LAMA3: variants seen among roughly 807,000 people sequenced by gnomAD.
LAMA3 encodes laminin subunit alpha-3.
Under a neutral mutation model 402.0 loss-of-function variants are expected in LAMA3, and 281 were observed. The observed-to-expected ratio is 0.70, with a 90% CI of 0.63 to 0.77. The LOEUF (loss-of-function observed/expected upper bound fraction) is 0.77, where lower values mean the gene tolerates loss of function less well. Among genes scored for constraint, LAMA3 ranks in the 30% least tolerant of loss-of-function variants. LAMA3 has a pLI of 0.00. For missense variants in LAMA3, 3,840 were observed against 4,215.5 expected (o/e 0.91, Z 2.47); for synonymous variants, 1,431 against 1,558.4 (o/e 0.92, Z 1.93).
At chr18:23,934,997 G>A (rs1366958898) in intron 67 of LAMA3, among the ~76,000 whole-genome samples, 1 of 152,182 alleles carries the variant, frequency 6.6e-6, no homozygotes, top group Admixed American at 6.5e-5. Context: ...TTCCCATTAT[G>A]GGAACATCTT....
At chr18:23,925,012 A>G (rs1464625884) in intron 62 of LAMA3, among the ~76,000 whole-genome samples, 1 of 152,186 alleles carries the variant, frequency 6.6e-6, no homozygotes, top group Non-Finnish European at 1.5e-5. Context: ...TGGCCCAGAG[A>G]TTCCTGAAAC....
intron 62 of LAMA3, among the ~76,000 whole-genome samples, chr18:23,925,374 A>T (rs1397547039): frequency 6.6e-6 from 1 of 152,238 alleles, no homozygotes; most frequent in Non-Finnish European, 1.5e-5. Context: ...ACCCAGGAGA[A>T]GAGCAAATCA....
intron 32 of LAMA3, among the ~76,000 whole-genome samples, chr18:23,853,190 T>A (rs2063984700): frequency 1.3e-5 from 2 of 152,108 alleles, no homozygotes; most frequent in Non-Finnish European, 2.9e-5. Flanking sequence ...AGTGAAAAAA[T>A]AAATAAATAA....
chr18:23,763,318 C>G (rs2062010250), intron 7 of LAMA3, 87 bp from the exon 8 acceptor site: 3 of 915,940 alleles, frequency 3.3e-6, no homozygotes, highest in Non-Finnish European at 3.6e-6. Flanking sequence ...TTTTTTATAG[C>G]TCAATTAGCA....
At chr18:23,811,273 C>T (rs555068951) in intron 13 of LAMA3, among the ~76,000 whole-genome samples, 1 of 152,234 alleles carries the variant, frequency 6.6e-6, no homozygotes, top group East Asian at 1.9e-4. Flanking sequence ...TTGTCAATTT[C>T]GGAGAACTCT....
intron 2 of LAMA3, among the ~76,000 whole-genome samples, chr18:23,744,640 G>C (rs917829245): frequency 1.3e-5 from 2 of 151,852 alleles, no homozygotes; most frequent in African/African-American, 4.8e-5. Flanking sequence ...GACCATCCTG[G>C]CTAACACGGT....
chr18:23,804,308 A>G (rs145931985), intron 12 of LAMA3, among the ~76,000 whole-genome samples: 2 of 152,216 alleles, frequency 1.3e-5, no homozygotes, highest in Non-Finnish European at 2.9e-5. Context: ...CTGCTCAGTC[A>G]TATGCTTTAA....
rs376658794 is a variant in LAMA3 at position 23,949,850 on chromosome 18, G to A, written c.9437G>A (p.Gly3146Glu). The change falls in exon 71 of 75, where the codon GGG (glycine) becomes GAG (glutamate). Residue 3146 changes from glycine (G) to glutamate (E), a missense_variant. Transcript: ENST00000313654. ...KPLYTPSSSF[G>E]VSSCLGGPLE... ...TTGTATACCCCTTCTTCAAGCTTCG[G>A]GGTGTCTTCCTGCTTGGGTGGTCCT... 3 of 1,613,818 alleles carry A rather than the reference G, an allele frequency of 1.9e-6. No individual in the cohort carries two copies. The African/African-American group carries it at 4.0e-5, about 22-fold the overall frequency.
intron 41 of LAMA3, among the ~76,000 whole-genome samples, chr18:23,888,113 T>G (rs1436034621): frequency 6.6e-6 from 1 of 152,206 alleles, no homozygotes; most frequent in Non-Finnish European, 1.5e-5. Flanking sequence ...AACACAGAGC[T>G]TCTGCATAAC....
chr18:23,762,744 A>G (rs1254285618), intron 7 of LAMA3, among the ~76,000 whole-genome samples: 1 of 151,420 alleles, frequency 6.6e-6, no homozygotes, highest in African/African-American at 2.4e-5. Flanking sequence ...GGGAGAATGG[A>G]GTCTCACTCT....
rs547438662 is a variant in LAMA3, at chr18:23,924,683, T to TAC, written c.8177+3100_8177+3101dup. Among the ~76,000 whole-genome samples, 40 of 151,766 alleles carry TAC rather than the reference T, an allele frequency of 2.6e-4. No homozygotes were observed. In the East Asian group the frequency reaches 6.6e-3, roughly 25 times the overall value. On this transcript the variant is annotated intron_variant, in intron 62 of 74. Coordinates refer to ENST00000313654, the MANE Select transcript of LAMA3 (RefSeq NM_198129.4). ...CCTCAGCCTCCCGAGTAGCTGGGAT[T>TAC]ACAGTGCCTGCCACCATGCCCGGCT...
At chr18:23,751,360 T>G (rs1270684137) in intron 5 of LAMA3, among the ~76,000 whole-genome samples, 1 of 152,222 alleles carries the variant, frequency 6.6e-6, no homozygotes, top group Non-Finnish European at 1.5e-5. Flanking sequence ...TAATTAATAC[T>G]ACAGCCAACA....
chr18:23,865,236 C>T (rs2056470743), intron 36 of LAMA3, among the ~76,000 whole-genome samples: 1 of 152,158 alleles, frequency 6.6e-6, no homozygotes, highest in Non-Finnish European at 1.5e-5. Context: ...TCAAGCAATC[C>T]TCCTGCCTTG....
Position 23,810,393 on chromosome 18 carries a change from A to C in LAMA3, c.1631A>C (p.Tyr544Ser). 6.2e-7 allele frequency: 1 copy of C among 1,613,900 alleles called. No individual in the cohort carries two copies. Among genetic ancestry groups the C allele is most frequent in the East Asian group, 2.2e-5 (1 of 44,882 alleles). Residue 544 changes from tyrosine to serine, a missense_variant, in exon 13 of 75, where the codon TAC (tyrosine) becomes TCC (serine). By Grantham distance (144) the Tyr-to-Ser change is moderately radical. Transcript: ENST00000313654. The part of the protein sequence containing the change: ...QACWCSALGS[Y>S]QMPCSSVTGQ... ...TGCTGGTGTTCAGCCCTTGGATCCTACCAGATGCCCTGCAGCTCAGTGACT... is the reference window on the plus strand; with the variant it reads ...TGCTGGTGTTCAGCCCTTGGATCCTCCCAGATGCCCTGCAGCTCAGTGACT...
intron 48 of LAMA3, among the ~76,000 whole-genome samples, chr18:23,901,799 T>C (rs1298077297): frequency 6.6e-6 from 1 of 152,268 alleles, no homozygotes; most frequent in Admixed American, 6.5e-5. Context: ...AATGACAGAA[T>C]TTAGAGCTCT....
chr18:23,720,228 C>T (rs1005484405), intron 2 of LAMA3, among the ~76,000 whole-genome samples: 2 of 152,056 alleles, frequency 1.3e-5, no homozygotes, highest in African/African-American at 4.8e-5. Context: ...AATTACGGTT[C>T]GTTCCATTTA....
intron 1 of LAMA3, among the ~76,000 whole-genome samples, chr18:23,704,473 T>A (rs2060849860): frequency 6.6e-6 from 1 of 152,254 alleles, no homozygotes; most frequent in Non-Finnish European, 1.5e-5. Context: ...TGTTTCTTCA[T>A]CTTTAAGTTT....
chr18:23,704,377 G>C (rs1202054193), intron 1 of LAMA3, among the ~76,000 whole-genome samples: 1 of 152,228 alleles, frequency 6.6e-6, no homozygotes, highest in Admixed American at 6.5e-5. Context: ...CAGGCCATAA[G>C]TAACATTATC....
chr18:23,693,001 A>T (rs1270494960), intron 1 of LAMA3, among the ~76,000 whole-genome samples: 1 of 152,152 alleles, frequency 6.6e-6, no homozygotes, highest in African/African-American at 2.4e-5. Context: ...AATTATTGTT[A>T]TTATATATGC....
Sources: gnomAD v4.1 joint callset for allele counts (sites outside exome capture counted in the v4.1 genomes callset) on GRCh38, gnomAD v4.1.1 for gene constraint, MANE v1.5 for transcripts, NCBI Gene and HGNC (gene_info 2026-07-23, HGNC 2026-07-21) for gene names.